The following INPP5A variants were observed in gnomAD, a reference collection of about 807,000 sequenced individuals.
The protein encoded by INPP5A is 43 kDa inositol polyphosphate 5-phophatase.
Under a neutral mutation model 65.2 loss-of-function variants are expected in INPP5A, and 14 were observed. That is an observed-to-expected ratio of 0.21 (90% CI 0.14 to 0.34). INPP5A has a LOEUF of 0.34. INPP5A is among the 10% of genes least tolerant of loss of function. The probability of loss-of-function intolerance (pLI) is 1.00; values close to 1 mark genes in which losing one functional copy is unlikely to be tolerated. For synonymous variants in INPP5A, 207 were observed against 208.3 expected, an observed-to-expected ratio of 0.99 and a Z score of 0.05; for missense variants, 431 against 545.6, an observed-to-expected ratio of 0.79 and a Z score of 2.09.
intron 2 of INPP5A, among the ~76,000 whole-genome samples, chr10:132,623,189 C>G (rs1193895269): frequency 1.3e-5 from 2 of 152,046 alleles, no homozygotes; most frequent in African/African-American, 4.8e-5. Context: ...ATAGCCAGAA[C>G]AGTTAAAAAG....
intron 4 of INPP5A, among the ~76,000 whole-genome samples, chr10:132,665,462 G>T (rs765539417): frequency 6.6e-6 from 1 of 152,258 alleles, no homozygotes; most frequent in Admixed American, 6.5e-5. Flanking sequence ...GGAAGAATGG[G>T]CTGGGTGTAG....
chr10:132,755,157 G>T (rs949831338), intron 11 of INPP5A, among the ~76,000 whole-genome samples: 1 of 152,038 alleles, frequency 6.6e-6, no homozygotes, highest in Non-Finnish European at 1.5e-5. Context: ...GCAAGCATAT[G>T]CATATGAGCG....
Position 132,644,681 on chromosome 10 carries a change from G to A in INPP5A, c.118-1187G>A, listed in dbSNP as rs112794536. The stretch of plus-strand genomic sequence containing the variant: ...GGAAGCTCGTCCTTTTGGGCCCTCA[G>A]TGGCTGTTGTAGCACCACCACCCCG... On this transcript the variant is annotated intron_variant, in intron 2 of 15. Transcript: ENST00000368594. This position sits in a 1 kb window ranked among gnomAD's most constrained non-coding sequence, Gnocchi z 6.5. Among the ~76,000 whole-genome samples the A allele has an allele frequency of 8.1e-3, 1,235 of 152,336 alleles. 15 individuals carry two copies. Among genetic ancestry groups the A allele is most frequent in the African/African-American group, 0.028 (1,184 of 41,558 alleles).
intron 12 of INPP5A, among the ~76,000 whole-genome samples, chr10:132,777,197 C>T (rs999338942): frequency 1.2e-4 from 18 of 152,174 alleles, no homozygotes; most frequent in African/African-American, 2.7e-4. Flanking sequence ...GGATGCTCCC[C>T]GAGGTGGGAG....
rs561053618 is a variant in INPP5A at position 132,599,531 on chromosome 10, C to T, written c.76-8384C>T. ...TTCATGGGCTGGCATTGAGTGTCTG[C>T]GGCTTTTCCAGGCACACAGTGCAAG... On this transcript the variant is annotated intron_variant, in intron 1 of 15. Coordinates refer to ENST00000368594, the MANE Select transcript of INPP5A (RefSeq NM_005539.5). Among the ~76,000 whole-genome samples the T allele has an allele frequency of 5.4e-4, 82 of 152,330 alleles. 1 individual carries two copies. Among genetic ancestry groups the T allele is most frequent in the African/African-American group, 1.7e-3 (71 of 41,576 alleles).
At chr10:132,758,461 G>A (rs1006416994) in intron 11 of INPP5A, among the ~76,000 whole-genome samples, 11 of 149,800 alleles carry the variant, frequency 7.3e-5, no homozygotes, top group Non-Finnish European at 1.3e-4. Context: ...GTGCGATGTC[G>A]TGGGTCCTTG....
intron 4 of INPP5A, among the ~76,000 whole-genome samples, chr10:132,673,141 CCTTT>C (rs1215239502): frequency 6.6e-6 from 1 of 152,210 alleles, no homozygotes; most frequent in Non-Finnish European, 1.5e-5. Context: ...CAGTGTAACT[CCTTT>C]CTTAGCCTAT....
intron 11 of INPP5A, among the ~76,000 whole-genome samples, chr10:132,765,156 G>A (rs558183858): frequency 6.6e-6 from 1 of 152,182 alleles, no homozygotes; most frequent in East Asian, 1.9e-4. Flanking sequence ...GGGAGGGTGT[G>A]TGTGGTGACC....
chr10:132,557,271 TG>T (rs2071139151), intron 1 of INPP5A, among the ~76,000 whole-genome samples: 3 of 152,252 alleles, frequency 2.0e-5, no homozygotes, highest in Admixed American at 6.5e-5. Context: ...GTGACTCCCA[TG>T]GAGCCTGGGA....
At chr10:132,619,842 A>G (rs1056330156) in intron 2 of INPP5A, among the ~76,000 whole-genome samples, 1 of 152,228 alleles carries the variant, frequency 6.6e-6, no homozygotes, top group Non-Finnish European at 1.5e-5. Context: ...TATTTTTAGT[A>G]GAGACAGGGT....
At chr10:132,578,866 C>G (rs1366622192) in intron 1 of INPP5A, among the ~76,000 whole-genome samples, 1 of 152,076 alleles carries the variant, frequency 6.6e-6, no homozygotes, top group African/African-American at 2.4e-5. Flanking sequence ...GGGCTGCGGC[C>G]GTAGTCTTAG....
chr10:132,598,847 A>G (rs757154458), intron 1 of INPP5A, among the ~76,000 whole-genome samples: 1 of 152,246 alleles, frequency 6.6e-6, no homozygotes, highest in African/African-American at 2.4e-5. Flanking sequence ...CACTTCTTAA[A>G]TGGCTGCAGC....
intron 1 of INPP5A, among the ~76,000 whole-genome samples, chr10:132,568,184 C>T (rs58399682): frequency 4.1e-3 from 534 of 131,004 alleles, no homozygotes; most frequent in African/African-American, 0.015. Context: ...AGCAAGACTC[C>T]GTCTCAAAAA....
At chr10:132,593,081 C>T (rs1256896446) in intron 1 of INPP5A, among the ~76,000 whole-genome samples, 3 of 152,222 alleles carry the variant, frequency 2.0e-5, no homozygotes, top group South Asian at 2.1e-4. Context: ...CCTCTGCTTA[C>T]AGCCTCAGAC....
At chr10:132,565,363 T>C (rs2071259463) in intron 1 of INPP5A, among the ~76,000 whole-genome samples, 1 of 152,208 alleles carries the variant, frequency 6.6e-6, no homozygotes. Context: ...CCCCATAGTT[T>C]GTGGCAACAC....
At chr10:132,680,655 G>A (rs1439201923) in intron 4 of INPP5A, among the ~76,000 whole-genome samples, 1 of 152,254 alleles carries the variant, frequency 6.6e-6, no homozygotes, top group African/African-American at 2.4e-5. Flanking sequence ...GTAGGGAGGT[G>A]TGGAGGGAGA....
chr10:132,713,298 TGAGG>T (rs1317962258), intron 8 of INPP5A, among the ~76,000 whole-genome samples: 1 of 152,038 alleles, frequency 6.6e-6, no homozygotes, highest in Non-Finnish European at 1.5e-5. Context: ...CTGTGCATCC[TGAGG>T]AAGGGGTGGA....
At chr10:132,643,340 C>G (rs1429177285) in intron 2 of INPP5A, among the ~76,000 whole-genome samples, 3 of 151,990 alleles carry the variant, frequency 2.0e-5, no homozygotes, top group Admixed American at 6.5e-5. Context: ...AGTCACGGGC[C>G]TGAAGGATTT....
At chr10:132,714,676 G>C (rs1466425327) in intron 8 of INPP5A, among the ~76,000 whole-genome samples, 1 of 152,016 alleles carries the variant, frequency 6.6e-6, no homozygotes, top group Non-Finnish European at 1.5e-5. Context: ...TAGGACCTTC[G>C]CACCGTTGCT....
Sources: allele counts gnomAD v4.1 joint callset (sites outside exome capture counted in the v4.1 genomes callset), GRCh38; gene constraint gnomAD v4.1.1; non-coding constraint Gnocchi (gnomAD v3.1); transcripts MANE v1.5; gene names NCBI Gene and HGNC (gene_info 2026-07-23, HGNC 2026-07-21).